Variants in CLSTN2 observed in about 807,000 individuals in gnomAD.
The protein encoded by CLSTN2 is calsyntenin-2.
A neutral mutation model predicts 101.2 loss-of-function variants in CLSTN2; 48 were observed. That is an observed-to-expected ratio of 0.47 (90% CI 0.38 to 0.60). The LOEUF is 0.60. Ranked by LOEUF, CLSTN2 falls within the 20% of genes least tolerant of loss-of-function variation. The pLI is 0.00. For missense variants in CLSTN2, 1,160 were observed against 1,238.2 expected, an observed-to-expected ratio of 0.94 and a Z score of 0.95; for synonymous variants, 481 against 463.6, an observed-to-expected ratio of 1.04 and a Z score of -0.48.
At chr3:139,950,836 T>A (rs1935283937) in intron 1 of CLSTN2, among the ~76,000 whole-genome samples, 1 of 152,258 alleles carries the variant, frequency 6.6e-6, no homozygotes, top group Non-Finnish European at 1.5e-5. Context: ...GTGAATTAGA[T>A]GCTTGTTGTC....
At chr3:140,410,347 T>C (rs1284572628) in intron 4 of CLSTN2, among the ~76,000 whole-genome samples, 1 of 147,488 alleles carries the variant, frequency 6.8e-6, no homozygotes, top group Non-Finnish European at 1.5e-5. Flanking sequence ...AGTATATTTC[T>C]CAACAGAAAC....
rs1053148158 is a variant in CLSTN2 at position 140,574,683 on chromosome 3, G to A, written c.*8430G>A. 1 of 152,178 alleles carries A rather than the reference G, an allele frequency of 6.6e-6. No homozygotes were observed. Among genetic ancestry groups the A allele is most frequent in the Non-Finnish European group, 1.5e-5 (1 of 68,044 alleles). 9.4% of individuals were successfully genotyped at this position (152,178 alleles called of 1,614,324 possible). ...TATCTTGAAATGAAAATGCATCTCT[G>A]TTACCTGGACCCTTTTTACTGCACA... On this transcript the variant is annotated 3_prime_UTR_variant, in exon 17 of 17. Transcript: ENST00000458420.
chr3:140,147,916 T>C (rs751773260), intron 1 of CLSTN2, among the ~76,000 whole-genome samples: 2 of 152,248 alleles, frequency 1.3e-5, no homozygotes, highest in Non-Finnish European at 2.9e-5. Context: ...TGAGGTCAGA[T>C]AACTTGCCTG....
intron 8 of CLSTN2, among the ~76,000 whole-genome samples, chr3:140,493,839 C>T (rs758114029): frequency 6.6e-6 from 1 of 152,250 alleles, no homozygotes; most frequent in East Asian, 1.9e-4. Context: ...GCTCATTAAC[C>T]GGTCTCTCTA....
rs938716075 is a variant in CLSTN2, at chr3:140,196,625, C to T, written c.232+20552C>T. Reference sequence around the variant, plus strand: ...AAGATGCATATGTGCCTTTCAGTCCCGTGTAATTACAACCAGCATAAACAT... The same window carrying T: ...AAGATGCATATGTGCCTTTCAGTCCTGTGTAATTACAACCAGCATAAACAT... On this transcript the variant is annotated intron_variant, in intron 2 of 16. Coordinates refer to ENST00000458420, the MANE Select transcript of CLSTN2 (RefSeq NM_022131.3). Among the ~76,000 whole-genome samples the T allele has an allele frequency of 4.6e-5, 7 of 152,148 alleles. No homozygotes were observed. In the East Asian group the frequency reaches 7.7e-4, roughly 17 times the overall value.
intron 2 of CLSTN2, among the ~76,000 whole-genome samples, chr3:140,268,069 C>A (rs1401508850): frequency 2.0e-5 from 3 of 152,162 alleles, no homozygotes; most frequent in Admixed American, 2.0e-4. Context: ...ACATTTAGTG[C>A]CAAGCTCTGA....
intron 7 of CLSTN2, among the ~76,000 whole-genome samples, chr3:140,465,028 G>A (rs1933656053): frequency 6.6e-6 from 1 of 152,184 alleles, no homozygotes; most frequent in Non-Finnish European, 1.5e-5. Flanking sequence ...TTTGTTCTGG[G>A]CAGATGCATT....
chr3:140,301,631 G>T (rs768241636), intron 2 of CLSTN2, among the ~76,000 whole-genome samples: 1 of 152,158 alleles, frequency 6.6e-6, no homozygotes, highest in Non-Finnish European at 1.5e-5. Context: ...GCCCCAAAAG[G>T]GTCACAGGGA....
chr3:140,552,929 G>A (rs989152843), intron 10 of CLSTN2, among the ~76,000 whole-genome samples: 1 of 152,222 alleles, frequency 6.6e-6, no homozygotes, highest in African/African-American at 2.4e-5. Flanking sequence ...TGTAGAACAA[G>A]GACCTTGGGT....
chr3:140,032,332 C>CTTTTTT (rs982523156), intron 1 of CLSTN2, among the ~76,000 whole-genome samples: 2 of 120,386 alleles, frequency 1.7e-5, no homozygotes, highest in Non-Finnish European at 1.7e-5. Context: ...CTAACAAGTA[C>CTTTTTT]TTTTTTTTTT....
chr3:140,530,816 T>C (rs1935240455), intron 8 of CLSTN2, among the ~76,000 whole-genome samples: 1 of 152,204 alleles, frequency 6.6e-6, no homozygotes, highest in Non-Finnish European at 1.5e-5. Flanking sequence ...TACCTCACTG[T>C]CACCCACTTC....
intron 1 of CLSTN2, among the ~76,000 whole-genome samples, chr3:140,098,056 T>C (rs1000533977): frequency 6.6e-6 from 1 of 152,178 alleles, no homozygotes; most frequent in African/African-American, 2.4e-5. Context: ...TAAATCTGTC[T>C]ATTCAGCATA....
At chr3:140,019,071 A>T (rs1423222568) in intron 1 of CLSTN2, among the ~76,000 whole-genome samples, 2 of 151,856 alleles carry the variant, frequency 1.3e-5, no homozygotes, top group African/African-American at 4.8e-5. Flanking sequence ...GCTTCAAACC[A>T]CTCAGAGGAG....
chr3:140,049,489 A>G (rs74558893), intron 1 of CLSTN2, among the ~76,000 whole-genome samples: 5,181 of 152,266 alleles, frequency 0.034, 125 homozygotes, highest in Non-Finnish European at 0.052. Flanking sequence ...TACCCAGGCC[A>G]TCTTTATTTT....
intron 1 of CLSTN2, among the ~76,000 whole-genome samples, chr3:140,033,145 T>G (rs1438735927): frequency 6.6e-6 from 1 of 152,240 alleles, no homozygotes; most frequent in Non-Finnish European, 1.5e-5. Flanking sequence ...TGACACGTAG[T>G]AGATAACACA....
At chr3:140,096,986 G>T (rs1225484426) in intron 1 of CLSTN2, among the ~76,000 whole-genome samples, 2 of 151,918 alleles carry the variant, frequency 1.3e-5, no homozygotes, top group Non-Finnish European at 2.9e-5. Flanking sequence ...ACTAAACTTG[G>T]GTGCAGATCA....
At chr3:140,353,254 T>C (rs1016573772) in intron 2 of CLSTN2, among the ~76,000 whole-genome samples, 91 of 151,276 alleles carry the variant, frequency 6.0e-4, no homozygotes, top group Non-Finnish European at 1.0e-3. Flanking sequence ...TATATATATA[T>C]ATATATATAT....
chr3:140,159,357 C>G (rs2010008650), intron 1 of CLSTN2, among the ~76,000 whole-genome samples: 1 of 151,706 alleles, frequency 6.6e-6, no homozygotes, highest in Non-Finnish European at 1.5e-5. Flanking sequence ...AAAAATAGAC[C>G]AAGGACATGA....
At chr3:140,302,018 T>C (rs2087065400) in intron 2 of CLSTN2, among the ~76,000 whole-genome samples, 1 of 152,322 alleles carries the variant, frequency 6.6e-6, no homozygotes, top group African/African-American at 2.4e-5. Context: ...AAATATTCTG[T>C]GCATGGATTG....
Sources: gnomAD v4.1 joint callset for allele counts (sites outside exome capture counted in the v4.1 genomes callset) on GRCh38, gnomAD v4.1.1 for gene constraint, MANE v1.5 for transcripts, NCBI Gene and HGNC (gene_info 2026-07-23, HGNC 2026-07-21) for gene names.